GPR158: variants seen among roughly 807,000 people sequenced by gnomAD.
GPR158 encodes the protein G protein-coupled receptor 158, also known as metabotropic glycine receptor.
A neutral mutation model predicts 78.2 loss-of-function variants in GPR158; 30 were observed. The observed-to-expected ratio is 0.38, with a 90% CI of 0.29 to 0.52. The LOEUF (loss-of-function observed/expected upper bound fraction) is 0.52. Ranked by LOEUF, GPR158 falls within the 20% of genes least tolerant of loss-of-function variation. The pLI is 0.83. For synonymous variants in GPR158, 581 were observed against 591.1 expected (o/e 0.98, Z 0.25); for missense variants, 1,463 against 1,523.5 (o/e 0.96, Z 0.66).
intron 7 of GPR158, among the ~76,000 whole-genome samples, chr10:25,586,909 C>T (rs12413247): frequency 0.35 from 53,955 of 152,116 alleles, 9,719 homozygotes; most frequent in East Asian, 0.49. Flanking sequence ...GATCACTGTA[C>T]AGAAGGCCAA....
At chr10:25,419,016 T>A (rs1476861372) in intron 4 of GPR158, among the ~76,000 whole-genome samples, 1 of 152,018 alleles carries the variant, frequency 6.6e-6, no homozygotes, top group Admixed American at 6.6e-5. Context: ...AATATGTTAA[T>A]TATGATGTTC....
intron 4 of GPR158, among the ~76,000 whole-genome samples, chr10:25,445,092 A>T (rs1395372067): frequency 6.6e-6 from 1 of 152,204 alleles, no homozygotes; most frequent in Non-Finnish European, 1.5e-5. Flanking sequence ...AATGTACTGT[A>T]TGATTTGATA....
In GPR158 at chr10:25,175,667, G is replaced by T. The variant is rs147366412; in HGVS notation, c.247G>T (p.Ala83Ser). The part of the protein sequence containing the change: ...KLAEEVPMDV[A>S]SYLYTGDSHQ... ...CGCCGAGGAGGTGCCCATGGACGTG[G>T]CCTCTTACCTCTACACCGGGGACTC... is the stretch of plus-strand genomic sequence containing the variant. The change falls in exon 1 of 11, where the codon GCC becomes TCC. Residue 83 changes from alanine (A) to serine (S), a missense_variant. Physicochemically the swap from Ala to Ser is moderately conservative, Grantham distance 99. Transcript: ENST00000376351. This position sits in a 1 kb window ranked among gnomAD's most constrained non-coding sequence, Gnocchi z 6.4. 9 of 1,611,316 alleles carry T rather than the reference G, an allele frequency of 5.6e-6. No homozygotes were observed. The East Asian group carries it at 1.8e-4, about 32-fold the overall frequency.
intron 5 of GPR158, among the ~76,000 whole-genome samples, chr10:25,508,436 T>C (rs1037830518): frequency 3.3e-5 from 5 of 152,188 alleles, no homozygotes; most frequent in African/African-American, 1.2e-4. Context: ...ATGTCACATA[T>C]ATTCTATGTT....
At chr10:25,508,277 T>C (rs1836040331) in intron 5 of GPR158, among the ~76,000 whole-genome samples, 1 of 152,146 alleles carries the variant, frequency 6.6e-6, no homozygotes, top group Non-Finnish European at 1.5e-5. Flanking sequence ...CCAGGAAAAC[T>C]GAAACCACAT....
chr10:25,381,749 T>G (rs1454996548), intron 2 of GPR158, among the ~76,000 whole-genome samples: 3 of 152,218 alleles, frequency 2.0e-5, no homozygotes, highest in Admixed American at 6.5e-5. Context: ...TTCAAAGATA[T>G]TATTCATATT....
At chr10:25,568,563 A>T (rs1230241771) in intron 6 of GPR158, among the ~76,000 whole-genome samples, 1 of 152,178 alleles carries the variant, frequency 6.6e-6, no homozygotes, top group East Asian at 1.9e-4. Flanking sequence ...GAACAATATC[A>T]ATTAGCTCTT....
chr10:25,441,195 T>A (rs1835062098), intron 4 of GPR158, among the ~76,000 whole-genome samples: 1 of 152,204 alleles, frequency 6.6e-6, no homozygotes, highest in African/African-American at 2.4e-5. Context: ...TTTCTCTTCC[T>A]ATTAACTCTT....
chr10:25,364,606 T>C (rs986107419), intron 2 of GPR158, among the ~76,000 whole-genome samples: 2 of 151,876 alleles, frequency 1.3e-5, no homozygotes, highest in Non-Finnish European at 2.9e-5. Flanking sequence ...TGATTCTGTA[T>C]TCAGAATGGT....
chr10:25,480,768 G>T (rs148891639), intron 5 of GPR158, among the ~76,000 whole-genome samples: 23 of 152,286 alleles, frequency 1.5e-4, no homozygotes, highest in Non-Finnish European at 2.2e-4. Flanking sequence ...CCTTTGGGCT[G>T]TTGTGAATAA....
At chr10:25,253,305 G>A (rs954967192) in intron 2 of GPR158, among the ~76,000 whole-genome samples, 7 of 152,148 alleles carry the variant, frequency 4.6e-5, no homozygotes, top group Admixed American at 3.3e-4. Flanking sequence ...CTGTAGACCG[G>A]AGCAGTTCCT....
chr10:25,470,792 T>C (rs945515585), intron 5 of GPR158, among the ~76,000 whole-genome samples: 1 of 152,116 alleles, frequency 6.6e-6, no homozygotes, highest in Non-Finnish European at 1.5e-5. Flanking sequence ...GAATGAAATA[T>C]CTGAAATGAC....
chr10:25,449,386 G>C (rs1356378909), intron 4 of GPR158, among the ~76,000 whole-genome samples: 1 of 152,190 alleles, frequency 6.6e-6, no homozygotes, highest in Admixed American at 6.5e-5. Context: ...TACTAAGTAA[G>C]ACTTGGGTGT....
At chr10:25,415,459 G>A (rs1480249124) in intron 4 of GPR158, among the ~76,000 whole-genome samples, 2 of 151,956 alleles carry the variant, frequency 1.3e-5, no homozygotes, top group African/African-American at 2.4e-5. Flanking sequence ...AACTCAAACC[G>A]ACAGTACCCA....
intron 2 of GPR158, among the ~76,000 whole-genome samples, chr10:25,253,274 C>T (rs927711478): frequency 6.6e-6 from 1 of 152,238 alleles, no homozygotes; most frequent in African/African-American, 2.4e-5. Context: ...CACCGGTCTT[C>T]TGCGTCGGTC....
At position 25,175,396 on chromosome 10, in the gene GPR158, C is replaced by G. The variant is rs761092136; in HGVS notation, c.-25C>G. 4.9e-5 allele frequency: 69 copies of G among 1,407,880 alleles called. No homozygotes were observed. The highest frequency in any genetic ancestry group is 9.1e-5 in the Admixed American group (4 of 43,904). 87.2% of individuals were successfully genotyped at this position (1,407,880 alleles called of 1,614,324 possible). A position where few individuals can be genotyped will look rare whatever the true frequency, so the allele number is the denominator to read the frequency against. Reference sequence around the variant, plus strand: ...AAAAGTGATTCCCCCCCCTCCCGTTCCCTCCTCTTCTCTCTGGGAGGCAGA... The same window carrying G: ...AAAAGTGATTCCCCCCCCTCCCGTTGCCTCCTCTTCTCTCTGGGAGGCAGA... On this transcript the variant is annotated 5_prime_UTR_variant, in exon 1 of 11. Transcript: ENST00000376351. The surrounding 1 kb of genome is among the most constrained non-coding windows in gnomAD (Gnocchi z 6.4).
At chr10:25,552,101 A>G (rs1279138646) in intron 6 of GPR158, among the ~76,000 whole-genome samples, 1 of 152,056 alleles carries the variant, frequency 6.6e-6, no homozygotes, top group Non-Finnish European at 1.5e-5. Context: ...AATGTGTTTG[A>G]CTCTCAAGAT....
chr10:25,387,837 T>C (rs1372438895), intron 2 of GPR158, among the ~76,000 whole-genome samples: 1 of 152,102 alleles, frequency 6.6e-6, no homozygotes, highest in African/African-American at 2.4e-5. Flanking sequence ...TTTGCAAGAG[T>C]TTAAGGAAGA....
chr10:25,266,918 A>G (rs1234905264), intron 2 of GPR158, among the ~76,000 whole-genome samples: 4 of 152,164 alleles, frequency 2.6e-5, no homozygotes, highest in Non-Finnish European at 4.4e-5. Context: ...TGATTGTTTT[A>G]TCTTAATTTT....
Sources: gnomAD v4.1 joint callset for allele counts (sites outside exome capture counted in the v4.1 genomes callset) on GRCh38, gnomAD v4.1.1 for gene constraint, Gnocchi (gnomAD v3.1) non-coding constraint, MANE v1.5 for transcripts, NCBI Gene and HGNC (gene_info 2026-07-23, HGNC 2026-07-21) for gene names.